INVS: variants seen among roughly 807,000 people sequenced by gnomAD.
INVS encodes the protein inversion of embryo turning homolog.
In INVS, 86 loss-of-function variants were observed where a neutral mutation model predicts 108.8. The ratio of observed to expected loss-of-function variants is 0.79; its 90% CI spans 0.66 to 0.95. The LOEUF (loss-of-function observed/expected upper bound fraction) is 0.95. INVS is among the 40% of genes least tolerant of loss of function. The pLI, the probability that INVS is intolerant of heterozygous loss-of-function variation, is 0.00. For synonymous variants in INVS, 455 were observed against 473.5 expected, an observed-to-expected ratio of 0.96 and a Z score of 0.51; for missense variants, 1,169 against 1,297.4, an observed-to-expected ratio of 0.90 and a Z score of 1.52.
At chr9:100,171,191 T>G (rs1829531408) in intron 3 of INVS, among the ~76,000 whole-genome samples, 1 of 152,202 alleles carries the variant, frequency 6.6e-6, no homozygotes, top group Non-Finnish European at 1.5e-5. Context: ...GGTGGTCCCA[T>G]GAGCCGTCAC....
chr9:100,150,745 A>G (rs1034635989), intron 3 of INVS, among the ~76,000 whole-genome samples: 1 of 152,162 alleles, frequency 6.6e-6, no homozygotes, highest in Non-Finnish European at 1.5e-5. Flanking sequence ...TATTATTCCT[A>G]TAGTGTGAAT....
At chr9:100,293,424 C>T (rs762146165) in intron 14 of INVS, among the ~76,000 whole-genome samples, 4 of 152,174 alleles carry the variant, frequency 2.6e-5, no homozygotes, top group Non-Finnish European at 5.9e-5. Context: ...TGCACATGTC[C>T]TGTTAATATG....
chr9:100,227,042 A>G (rs551049129), intron 4 of INVS, among the ~76,000 whole-genome samples: 2 of 152,094 alleles, frequency 1.3e-5, no homozygotes, highest in East Asian at 3.9e-4. Context: ...AAATTGCTTA[A>G]CTCCTCTGTG....
At chr9:100,133,963 A>T (rs1453516506) in intron 3 of INVS, among the ~76,000 whole-genome samples, 2 of 152,158 alleles carry the variant, frequency 1.3e-5, no homozygotes, top group Non-Finnish European at 2.9e-5. Context: ...TCCATAAGTT[A>T]TTGGGGGTAA....
chr9:100,130,033 G>A (rs1188808232), intron 3 of INVS: 1 of 265,644 alleles, frequency 3.8e-6, no homozygotes, highest in East Asian at 6.5e-5. Context: ...ACAACAGCTG[G>A]GAGACTAGAC....
At chr9:100,234,098 G>C (rs1047500590) in intron 5 of INVS, among the ~76,000 whole-genome samples, 2 of 152,242 alleles carry the variant, frequency 1.3e-5, no homozygotes, top group Admixed American at 6.5e-5. Flanking sequence ...TTTAGTCCTG[G>C]GAGGGTGTAT....
At chr9:100,220,311 C>T (rs1347558032) in intron 3 of INVS, among the ~76,000 whole-genome samples, 1 of 151,968 alleles carries the variant, frequency 6.6e-6, no homozygotes, top group Non-Finnish European at 1.5e-5. Flanking sequence ...GTGTCATAAT[C>T]TTTATGTGAC....
chr9:100,297,987 C>A lies in INVS; in HGVS notation c.3068C>A (p.Ser1023Tyr). 1 of 1,614,196 alleles carries A rather than the reference C, an allele frequency of 6.2e-7. No individual in the cohort carries two copies. Among genetic ancestry groups the A allele is most frequent in the Non-Finnish European group, 8.5e-7 (1 of 1,180,000 alleles). The change falls in exon 16 of 17, where the codon TCT (serine) becomes TAT (tyrosine). Residue 1023 changes from serine (S) to tyrosine (Y), a missense_variant. By Grantham distance (144) the Ser-to-Tyr change is moderately radical. Around this residue, in one of 3 missense-constraint regions of INVS, gnomAD observed 533 missense variants for 536.0 expected, o/e 0.99. Transcript: ENST00000262457. ...IHHPTRSVKASSVLRLNSVSN... is the reference protein window; with the variant it reads ...IHHPTRSVKAYSVLRLNSVSN... ...CATCCTACAAGATCTGTAAAAGCCT[C>A]TTCTGTGCTGCGTCTCAACTCAGGT... is the stretch of plus-strand genomic sequence containing the variant.
chr9:100,247,047 A>G (rs1832068379), intron 8 of INVS, among the ~76,000 whole-genome samples: 1 of 152,008 alleles, frequency 6.6e-6, no homozygotes, highest in Non-Finnish European at 1.5e-5. Context: ...CTCCTTAGAC[A>G]TGATTATGGG....
chr9:100,254,225 T>C (rs1472594525), intron 10 of INVS, among the ~76,000 whole-genome samples: 1 of 152,202 alleles, frequency 6.6e-6, no homozygotes, highest in Non-Finnish European at 1.5e-5. Context: ...TTTAGAGAAG[T>C]GTCTGTTCAT....
rs939790771 is a variant in INVS at position 100,263,833 on chromosome 9, C to T, written c.1465-989C>T. The stretch of plus-strand genomic sequence containing the variant: ...GCACTAACTCTGTCCTTGTTGGATG[C>T]AGTGTTTTTTATTTATATATATATC... On this transcript the variant is annotated intron_variant, in intron 10 of 16. Transcript: ENST00000262457. 3.3e-5 allele frequency among the ~76,000 whole-genome samples: 5 copies of T among 152,112 alleles called. No individual in the cohort carries two copies. The South Asian group carries it at 1.0e-3, about 31-fold the overall frequency.
At chr9:100,249,249 G>A (rs1832144575) in intron 8 of INVS, among the ~76,000 whole-genome samples, 1 of 151,994 alleles carries the variant, frequency 6.6e-6, no homozygotes, top group Non-Finnish European at 1.5e-5. Context: ...AGTATTTCAG[G>A]TACCTCTATA....
At chr9:100,099,906 C>G (rs551530083) in intron 1 of INVS, among the ~76,000 whole-genome samples, 1 of 152,156 alleles carries the variant, frequency 6.6e-6, no homozygotes, top group Admixed American at 6.5e-5. Flanking sequence ...TCTCCCTGCT[C>G]CCGCCTTTGC....
At chr9:100,244,112 A>G (rs934471821) in intron 7 of INVS, among the ~76,000 whole-genome samples, 3 of 152,196 alleles carry the variant, frequency 2.0e-5, no homozygotes, top group Non-Finnish European at 4.4e-5. Context: ...TCTCTAAAAT[A>G]TCTTATCTTC....
intron 2 of INVS, among the ~76,000 whole-genome samples, chr9:100,118,667 TTTA>T (rs898959056): frequency 6.6e-6 from 1 of 151,668 alleles, no homozygotes; most frequent in Non-Finnish European, 1.5e-5. Flanking sequence ...TCCAGCACCA[TTTA>T]TTATTATTAT....
intron 2 of INVS, among the ~76,000 whole-genome samples, chr9:100,125,772 G>A (rs1278766320): frequency 6.9e-6 from 1 of 144,862 alleles, no homozygotes; most frequent in Admixed American, 7.2e-5. Flanking sequence ...TACAACCTCC[G>A]CCTCCTGGGT....
intron 11 of INVS, 32 bp from the exon 12 acceptor site, chr9:100,272,832 T>TAA: frequency 1.4e-6 from 2 of 1,442,586 alleles, no homozygotes; most frequent in African/African-American, 1.4e-5. Context: ...ATTCTAAAAT[T>TAA]AAAAAAAAAA....
intron 4 of INVS, among the ~76,000 whole-genome samples, chr9:100,227,213 T>A (rs536814508): frequency 1.2e-4 from 19 of 152,376 alleles, no homozygotes; most frequent in Middle Eastern, 3.4e-3. Context: ...TAGTAAGTGC[T>A]ATTATACTTG....
intron 10 of INVS, among the ~76,000 whole-genome samples, chr9:100,260,254 A>G (rs1832577090): frequency 6.8e-6 from 1 of 146,196 alleles, no homozygotes; most frequent in Non-Finnish European, 1.5e-5. Flanking sequence ...CAGTGGCACA[A>G]CCTCGGCTTA....
Sources: allele counts gnomAD v4.1 joint callset (sites outside exome capture counted in the v4.1 genomes callset), GRCh38; gene constraint gnomAD v4.1.1; regional missense constraint gnomAD v4.1.1; transcripts MANE v1.5; gene names NCBI Gene and HGNC (gene_info 2026-07-23, HGNC 2026-07-21).